PCDHB16: variants seen among roughly 807,000 people sequenced by gnomAD.
The protein encoded by PCDHB16 is protocadherin beta-16.
For missense variants in PCDHB16, 1,026 were observed against 989.9 expected (o/e 1.04, Z -0.49); for synonymous variants, 444 against 436.5 (o/e 1.02, Z -0.21).
Position 141,184,701 on chromosome 5 carries a change from C to T in PCDHB16, c.2142C>T (p.Cys714=), listed in dbSNP as rs1301795129. The T allele has an allele frequency of 2.5e-6, 4 of 1,612,418 alleles. No individual in the cohort carries two copies. In the South Asian group the frequency reaches 3.3e-5, roughly 13 times the overall value. The change falls in exon 1 of 1, where the codon TGC becomes TGT. Residue 714 remains cysteine (C), a synonymous_variant. Coordinates refer to ENST00000609684, the MANE Select transcript of PCDHB16 (RefSeq NM_020957.4). ...TCCTGTTCGTGGCGGTGCGGCTGTG[C>T]AGGAGGAGCAGGGCGGCCTCGGTGG... is the stretch of plus-strand genomic sequence containing the variant. ...SVLLFVAVRL[C]RRSRAASVGR...
In PCDHB16 at chr5:141,183,221, C is replaced by A. The variant is rs200697244; in HGVS notation, c.662C>A (p.Pro221Gln). 63 of 1,614,056 alleles carry A rather than the reference C, an allele frequency of 3.9e-5. No individual in the cohort carries two copies. The highest frequency in any genetic ancestry group is 3.3e-4 in the Middle Eastern group (2 of 6,084). The change falls in exon 1 of 1, where the codon CCG becomes CAG. Residue 221 changes from proline to glutamine, a missense_variant. Coordinates refer to ENST00000609684, the MANE Select transcript of PCDHB16 (RefSeq NM_020957.4). ...ACAGCGCTGGATGGTGGCTCTCCACCGCGATCTGGAACTGCTCAGGTCCGT... is the reference window on the plus strand; with the variant it reads ...ACAGCGCTGGATGGTGGCTCTCCACAGCGATCTGGAACTGCTCAGGTCCGT... ...TLTALDGGSPPRSGTAQVRIE... is the reference protein window; with the variant it reads ...TLTALDGGSPQRSGTAQVRIE...
Position 141,182,784 on chromosome 5 carries a change from G to T in PCDHB16, c.225G>T (p.Leu75Phe), listed in dbSNP as rs2149660481. 1 of 1,614,096 alleles carries T rather than the reference G, an allele frequency of 6.2e-7. No individual in the cohort carries two copies. Among genetic ancestry groups the T allele is most frequent in the South Asian group, 1.1e-5 (1 of 91,080 alleles). ...RIISQGNKQH[L>F]QLKAQTGDLL... is the part of the protein sequence containing the mutation. ...TTTCCCAGGGGAACAAACAGCATTT[G>T]CAGCTCAAGGCTCAAACTGGGGATT... The change falls in exon 1 of 1, where the codon TTG becomes TTT. Residue 75 changes from leucine (L) to phenylalanine (F), a missense_variant. Transcript: ENST00000609684.
rs371521387 is a variant in PCDHB16 at position 141,184,886 on chromosome 5, C to A, written c.2327C>A (p.Pro776His). 7.4e-6 allele frequency: 12 copies of A among 1,613,904 alleles called. No homozygotes were observed. Among genetic ancestry groups the A allele is most frequent in the Non-Finnish European group, 9.3e-6 (11 of 1,179,942 alleles). ...AAGCCGATTATCCCCAACTTCTCTC[C>A]TTAGGGCACTAGGAAAGAAATAGAT... is the stretch of plus-strand genomic sequence containing the variant. Reference protein sequence around the residue: ...FLKPIIPNFSP With the variant: ...FLKPIIPNFSH The change falls in exon 1 of 1, where the codon CCT (proline) becomes CAT (histidine). Residue 776 changes from proline (P) to histidine (H), a missense_variant. Transcript: ENST00000609684.
chr5:141,185,290 A>G lies in PCDHB16; in HGVS notation c.*400A>G. ...AAATAACCTGTTGCATGTATTAGGC[A>G]TATTTCCTATGTTACATTTCTTTTG... On this transcript the variant is annotated 3_prime_UTR_variant, in exon 1 of 1. Transcript: ENST00000609684. 5.4e-6 allele frequency: 5 copies of G among 929,708 alleles called. No individual in the cohort carries two copies. Among genetic ancestry groups the G allele is most frequent in the Non-Finnish European group, 6.5e-6 (5 of 764,038 alleles). The allele number at this position is 929,708 out of a possible 1,614,324, so 57.6% of individuals were successfully genotyped here.
chr5:141,183,940 C>A lies in PCDHB16; in HGVS notation c.1381C>A (p.Arg461Ser). Residue 461 changes from arginine (R) to serine (S), a missense_variant, in exon 1 of 1, where the codon CGC (arginine) becomes AGC (serine). Arg to Ser is a moderately radical substitution (Grantham distance 110, BLOSUM62 -1). Transcript: ENST00000609684. ...FTQTSYTLFV[R>S]ENNSPALHIG... ...CCAAACCTCCTACACCCTGTTCGTCCGCGAGAACAACAGCCCCGCCCTGCA... is the reference window on the plus strand; with the variant it reads ...CCAAACCTCCTACACCCTGTTCGTCAGCGAGAACAACAGCCCCGCCCTGCA... 1.9e-6 allele frequency: 3 copies of A among 1,613,860 alleles called. No homozygotes were observed. Among genetic ancestry groups the A allele is most frequent in the African/African-American group, 1.3e-5 (1 of 74,942 alleles).
In PCDHB16 at chr5:141,184,789, A is replaced by G. The variant is rs554761052; in HGVS notation, c.2230A>G (p.Thr744Ala). 59 of 1,614,132 alleles carry G rather than the reference A, an allele frequency of 3.7e-5. No homozygotes were observed. In the South Asian group the frequency reaches 6.0e-4, roughly 17 times the overall value. ...TCTGGTGGACGTAAGCGGCACCGGG[A>G]CCCTGTCCCAGAGCTACCAATACGA... ...GRLVDVSGTG[T>A]LSQSYQYEVC... The change falls in exon 1 of 1, where the codon ACC becomes GCC. Residue 744 changes from threonine to alanine, a missense_variant. Thr to Ala is a moderately conservative substitution (Grantham distance 58, BLOSUM62 0). Coordinates refer to ENST00000609684, the MANE Select transcript of PCDHB16 (RefSeq NM_020957.4).
chr5:141,185,136 C>T lies in PCDHB16; in HGVS notation c.*246C>T. 1 of 1,259,496 alleles carries T rather than the reference C, an allele frequency of 7.9e-7. No individual in the cohort carries two copies. Among genetic ancestry groups the T allele is most frequent in the Non-Finnish European group, 1.0e-6 (1 of 994,802 alleles). The allele number at this position is 1,259,496 out of a possible 1,614,324, so 78.0% of individuals were successfully genotyped here. On this transcript the variant is annotated 3_prime_UTR_variant, in exon 1 of 1. Coordinates refer to ENST00000609684, the MANE Select transcript of PCDHB16 (RefSeq NM_020957.4). ...GTGTTGCATATAGAATCCCAATTAA[C>T]AAAATATACTTTATCTTCAAAGTTG... is the stretch of plus-strand genomic sequence containing the variant.
rs1753636174 is a variant in PCDHB16, at chr5:141,183,825, C to A, written c.1266C>A (p.Thr422=). 1 of 1,614,082 alleles carries A rather than the reference C, an allele frequency of 6.2e-7. No homozygotes were observed. Among genetic ancestry groups the A allele is most frequent in the South Asian group, 1.1e-5 (1 of 91,080 alleles). The part of the protein sequence containing the change: ...EARAEYNITL[T]VTDMGTPRLK... The stretch of plus-strand genomic sequence containing the variant: ...GAGCTGAATATAATATCACCCTCAC[C>A]GTCACAGATATGGGGACTCCAAGGC... The change falls in exon 1 of 1, where the codon ACC becomes ACA. Residue 422 remains threonine (T), a synonymous_variant. Coordinates refer to ENST00000609684, the MANE Select transcript of PCDHB16 (RefSeq NM_020957.4).
At position 141,186,012 on chromosome 5, in the gene PCDHB16, CAACTCAA is replaced by C. The variant is rs2149663332; in HGVS notation, c.*1123_*1129del. 1.0e-6 allele frequency: 1 copy of C among 978,998 alleles called. No homozygotes were observed. Among genetic ancestry groups the C allele is most frequent in the Admixed American group, 6.2e-5 (1 of 16,244 alleles). 60.6% of individuals were successfully genotyped at this position (978,998 alleles called of 1,614,324 possible). A position where few individuals can be genotyped will look rare whatever the true frequency, so the allele number is the denominator to read the frequency against. On this transcript the variant is annotated 3_prime_UTR_variant, in exon 1 of 1. Coordinates refer to ENST00000609684, the MANE Select transcript of PCDHB16 (RefSeq NM_020957.4). ...TCCCTGTTATATTTTTAATGGCTAA[CAACTCAA>C]TCTCATTAAGTTGGAAAAAAAACTT...
chr5:141,183,713 TC>T lies in PCDHB16; in HGVS notation c.1156del (p.Gln386ArgfsTer8), dbSNP rs1554282200. ...AACAATGGGAAGACGATTTCCTCCATCCAGGAAGACCTTCCCTTTCTTCTAA... is the reference window on the plus strand; with the variant it reads ...AACAATGGGAAGACGATTTCCTCCATCAGGAAGACCTTCCCTTTCTTCTAA... The part of the protein sequence containing the change: ...SGNNGKTISS[I>X]QEDLPFLLKP... On this transcript the variant is annotated frameshift_variant, in exon 1 of 1. Transcript: ENST00000609684. LOFTEE classifies it low-confidence loss of function (END_TRUNC). The T allele has an allele frequency of 6.2e-7, 1 of 1,614,178 alleles. No individual in the cohort carries two copies. Among genetic ancestry groups the T allele is most frequent in the South Asian group, 1.1e-5 (1 of 91,084 alleles).
chr5:141,184,268 C>T lies in PCDHB16; in HGVS notation c.1709C>T (p.Ala570Val), dbSNP rs782406977. The change falls in exon 1 of 1, where the codon GCG becomes GTG. Residue 570 changes from alanine (A) to valine (V), a missense_variant. Physicochemically the swap from Ala to Val is moderately conservative, Grantham distance 64 (BLOSUM62 0). Coordinates refer to ENST00000609684, the MANE Select transcript of PCDHB16 (RefSeq NM_020957.4). ...FVLYPLQNGS[A>V]PCTELVPRAA... ...CTGTACCCGCTGCAGAACGGCTCCGCGCCCTGCACTGAGCTGGTGCCCCGG... is the reference window on the plus strand; with the variant it reads ...CTGTACCCGCTGCAGAACGGCTCCGTGCCCTGCACTGAGCTGGTGCCCCGG... 5.0e-6 allele frequency: 8 copies of T among 1,591,868 alleles called. 1 individual carries two copies. Among genetic ancestry groups the T allele is most frequent in the East Asian group, 2.2e-5 (1 of 44,554 alleles).
chr5:141,185,047 GA>G lies in PCDHB16; in HGVS notation c.*158del. 2 of 1,443,812 alleles carry G rather than the reference GA, an allele frequency of 1.4e-6. No homozygotes were observed. The highest frequency in any genetic ancestry group is 1.6e-5 in the South Asian group (1 of 64,212). The allele number at this position is 1,443,812 out of a possible 1,614,324, so 89.4% of individuals were successfully genotyped here. ...CACCACCAATAAGGTATTTTTCTCT[GA>G]TTGTTAGTTCAAATTATATTGTTAA... is the stretch of plus-strand genomic sequence containing the variant. On this transcript the variant is annotated 3_prime_UTR_variant, in exon 1 of 1. Coordinates refer to ENST00000609684, the MANE Select transcript of PCDHB16 (RefSeq NM_020957.4).
Position 141,183,797 on chromosome 5 carries a change from C to T in PCDHB16, c.1238C>T (p.Ala413Val), listed in dbSNP as rs375320902. 2 of 1,614,166 alleles carry T rather than the reference C, an allele frequency of 1.2e-6. No homozygotes were observed. Among genetic ancestry groups the T allele is most frequent in the Non-Finnish European group, 1.7e-6 (2 of 1,179,982 alleles). ...LVTERALDRE[A>V]RAEYNITLTV... ...ACGGAGAGAGCACTCGACAGAGAAGCAAGAGCTGAATATAATATCACCCTC... is the reference window on the plus strand; with the variant it reads ...ACGGAGAGAGCACTCGACAGAGAAGTAAGAGCTGAATATAATATCACCCTC... Residue 413 changes from alanine (A) to valine (V), a missense_variant, in exon 1 of 1, where the codon GCA becomes GTA. Physicochemically the swap from Ala to Val is moderately conservative, Grantham distance 64. Coordinates refer to ENST00000609684, the MANE Select transcript of PCDHB16 (RefSeq NM_020957.4).
chr5:141,182,627 T>C lies in PCDHB16; in HGVS notation c.68T>C (p.Leu23Ser). ...QVLVFFVLLS[L>S]SGAGAELGSY... ...CTTGTTTTCTTTGTTTTGCTGAGCTTGTCTGGGGCGGGCGCCGAGTTGGGG... is the reference window on the plus strand; with the variant it reads ...CTTGTTTTCTTTGTTTTGCTGAGCTCGTCTGGGGCGGGCGCCGAGTTGGGG... The change falls in exon 1 of 1, where the codon TTG (leucine) becomes TCG (serine). Residue 23 changes from leucine to serine, a missense_variant. By Grantham distance (145) the Leu-to-Ser change is moderately radical. Transcript: ENST00000609684. 4 of 1,572,006 alleles carry C rather than the reference T, an allele frequency of 2.5e-6. No homozygotes were observed. The highest frequency in any genetic ancestry group is 1.2e-5 in the South Asian group (1 of 85,214).
chr5:141,184,599 G>C lies in PCDHB16; in HGVS notation c.2040G>C (p.Gln680His), dbSNP rs782302463. The C allele has an allele frequency of 1.9e-6, 3 of 1,612,606 alleles. No homozygotes were observed. In the South Asian group the frequency reaches 3.3e-5, roughly 18 times the overall value. The change falls in exon 1 of 1, where the codon CAG (glutamine) becomes CAC (histidine). Residue 680 changes from glutamine (Q) to histidine (H), a missense_variant. Transcript: ENST00000609684. ...FLPLPEAAPGQTQANSLTVYL... is the reference protein window; with the variant it reads ...FLPLPEAAPGHTQANSLTVYL... ...CGCTCCCAGAGGCGGCCCCCGGCCA[G>C]ACCCAGGCCAACTCGCTCACTGTCT...
Position 141,182,476 on chromosome 5 carries a change from C to G in PCDHB16, c.-84C>G. ...TAAGACACCGTTGGGCTGCTTGGTTCTGACATTCTGGACTGCAAAACAGTT... is the reference window on the plus strand; with the variant it reads ...TAAGACACCGTTGGGCTGCTTGGTTGTGACATTCTGGACTGCAAAACAGTT... On this transcript the variant is annotated 5_prime_UTR_variant, in exon 1 of 1. Transcript: ENST00000609684. 1 of 1,252,094 alleles carries G rather than the reference C, an allele frequency of 8.0e-7. No homozygotes were observed. 77.6% of individuals were successfully genotyped at this position (1,252,094 alleles called of 1,614,324 possible). A position where few individuals can be genotyped will look rare whatever the true frequency, so the allele number is the denominator to read the frequency against.
rs1439758746 is a variant in PCDHB16 at position 141,186,095 on chromosome 5, T to C, written c.*1205T>C. ...GCTTTTATATTCATCATAGTATACA[T>C]TGGCGGTATCTAGCCCTTTCTCTGT... is the stretch of plus-strand genomic sequence containing the variant. On this transcript the variant is annotated 3_prime_UTR_variant, in exon 1 of 1. Coordinates refer to ENST00000609684, the MANE Select transcript of PCDHB16 (RefSeq NM_020957.4). 1 of 999,568 alleles carries C rather than the reference T, an allele frequency of 1.0e-6. No individual in the cohort carries two copies. The highest frequency in any genetic ancestry group is 1.2e-6 in the Non-Finnish European group (1 of 829,494). 61.9% of individuals were successfully genotyped at this position (999,568 alleles called of 1,614,324 possible).
Position 141,183,043 on chromosome 5 carries a change from G to A in PCDHB16, c.484G>A (p.Val162Ile), listed in dbSNP as rs1554282074. Residue 162 changes from valine (V) to isoleucine (I), a missense_variant, in exon 1 of 1, where the codon GTA becomes ATA. Transcript: ENST00000609684. ...TCTGAATCATGCTTTGGACTTGGAC[G>A]TAGGAAGCAATAATGTTCAAAACTA... is the stretch of plus-strand genomic sequence containing the variant. ...FPLNHALDLD[V>I]GSNNVQNYKI... 1 of 1,614,170 alleles carries A rather than the reference G, an allele frequency of 6.2e-7. No individual in the cohort carries two copies. Among genetic ancestry groups the A allele is most frequent in the South Asian group, 1.1e-5 (1 of 91,082 alleles).
chr5:141,184,507 C>A lies in PCDHB16; in HGVS notation c.1948C>A (p.Pro650Thr), dbSNP rs1554282399. 1 of 1,609,152 alleles carries A rather than the reference C, an allele frequency of 6.2e-7. No homozygotes were observed. Among genetic ancestry groups the A allele is most frequent in the Admixed American group, 1.7e-5 (1 of 59,986 alleles). The stretch of plus-strand genomic sequence containing the variant: ...GGTGCTGGTCAAGGACAATGGCGAG[C>A]CTCCGCGCTCGGCCACCGCCACGCT... Reference protein sequence around the residue: ...LVVLVKDNGEPPRSATATLHV... With the variant: ...LVVLVKDNGETPRSATATLHV... Residue 650 changes from proline (P) to threonine (T), a missense_variant, in exon 1 of 1, where the codon CCT becomes ACT. Transcript: ENST00000609684.
Sources: allele counts gnomAD v4.1 joint callset, GRCh38; gene constraint gnomAD v4.1.1; transcripts MANE v1.5; gene names NCBI Gene and HGNC (gene_info 2026-07-23, HGNC 2026-07-21).